Variants in PHF21B observed in about 807,000 individuals in gnomAD.
PHF21B encodes PHD finger protein 21B, also known as PHD finger protein 4.
In PHF21B, 22 loss-of-function variants were observed where a neutral mutation model predicts 62.2. The ratio of observed to expected loss-of-function variants is 0.35; its 90% CI spans 0.25 to 0.51. PHF21B has a LOEUF of 0.51. PHF21B is among the 20% of genes least tolerant of loss of function. PHF21B has a pLI of 0.97. For synonymous variants in PHF21B, 341 were observed against 314.7 expected (o/e 1.08, Z -0.88); for missense variants, 701 against 707.9 (o/e 0.99, Z 0.11).
At chr22:44,955,644 C>CA (rs2072281187) in intron 2 of PHF21B, among the ~76,000 whole-genome samples, 1 of 152,200 alleles carries the variant, frequency 6.6e-6, no homozygotes, top group Non-Finnish European at 1.5e-5. Context: ...TCCTGGTCCC[C>CA]AGGCCTTCAG....
intron 2 of PHF21B, among the ~76,000 whole-genome samples, chr22:44,926,977 G>A (rs1440581402): frequency 1.3e-5 from 2 of 152,046 alleles, no homozygotes; most frequent in South Asian, 4.2e-4. Context: ...CTGTGTCTGT[G>A]TTTCTGGGCC....
At chr22:44,946,473 A>G (rs1231347567) in intron 2 of PHF21B, among the ~76,000 whole-genome samples, 1 of 151,954 alleles carries the variant, frequency 6.6e-6, no homozygotes, top group Non-Finnish European at 1.5e-5. Flanking sequence ...GTGGGATGGG[A>G]AAGAGGAAAC....
At chr22:44,910,887 C>T (rs1171565499) in intron 5 of PHF21B, among the ~76,000 whole-genome samples, 1 of 152,134 alleles carries the variant, frequency 6.6e-6, no homozygotes, top group Non-Finnish European at 1.5e-5. Context: ...CAGAAGAAGA[C>T]AGAAAAATAT....
chr22:44,966,355 G>A (rs2072525431), intron 2 of PHF21B, among the ~76,000 whole-genome samples: 2 of 152,226 alleles, frequency 1.3e-5, no homozygotes, highest in African/African-American at 2.4e-5. Flanking sequence ...CTTGCCCAAG[G>A]TCACACAATC....
At chr22:44,966,313 G>T (rs1031279958) in intron 2 of PHF21B, among the ~76,000 whole-genome samples, 1 of 152,216 alleles carries the variant, frequency 6.6e-6, no homozygotes, top group African/African-American at 2.4e-5. Flanking sequence ...GCCCCTTTTT[G>T]AGAGAAGTCT....
intron 5 of PHF21B, chr22:44,901,882 G>C (rs955835210): frequency 3.9e-6 from 1 of 253,702 alleles, no homozygotes; most frequent in Non-Finnish European, 7.9e-6. Flanking sequence ...AAGAATGGTG[G>C]TACCCGGCTG....
At chr22:44,962,818 C>T (rs2072450969) in intron 2 of PHF21B, among the ~76,000 whole-genome samples, 1 of 152,130 alleles carries the variant, frequency 6.6e-6, no homozygotes, top group African/African-American at 2.4e-5. Context: ...TGGGGGCGTG[C>T]TTTACTTGCG....
chr22:44,977,287 C>G lies in PHF21B; in HGVS notation c.120+31258G>C, dbSNP rs574679044. Among the ~76,000 whole-genome samples, 100 of 151,952 alleles carry G rather than the reference C, an allele frequency of 6.6e-4. 1 individual carries two copies. The highest frequency in any genetic ancestry group is 3.2e-3 in the Admixed American group (49 of 15,248). ...ATATCAAAAAGTGTATCAGGCCAGGCACGGTGGTGGCTCACACCTGTAATC... is the reference window on the plus strand; with the variant it reads ...ATATCAAAAAGTGTATCAGGCCAGGGACGGTGGTGGCTCACACCTGTAATC... On this transcript the variant is annotated intron_variant, in intron 2 of 12. Coordinates refer to ENST00000313237, the MANE Select transcript of PHF21B (RefSeq NM_138415.5).
intron 2 of PHF21B, among the ~76,000 whole-genome samples, chr22:44,985,793 C>T (rs1011612359): frequency 4.6e-5 from 7 of 152,066 alleles, no homozygotes; most frequent in African/African-American, 1.4e-4. Flanking sequence ...ATGTTATCAC[C>T]GTAGCTATCA....
chr22:44,953,713 A>G lies in PHF21B; in HGVS notation c.121-33223T>C, dbSNP rs1241903072. 2.6e-5 allele frequency among the ~76,000 whole-genome samples: 4 copies of G among 152,162 alleles called. No homozygotes were observed. In the East Asian group the frequency reaches 7.7e-4, roughly 29 times the overall value. On this transcript the variant is annotated intron_variant, in intron 2 of 12. Coordinates refer to ENST00000313237, the MANE Select transcript of PHF21B (RefSeq NM_138415.5). ...AGCAGAATTTTGAAGAATGCATTGG[A>G]CTTTGTCAGACCCAAATGCACCCAT... is the stretch of plus-strand genomic sequence containing the variant.
chr22:44,911,547 T>C (rs1433169629), intron 5 of PHF21B, among the ~76,000 whole-genome samples: 1 of 152,240 alleles, frequency 6.6e-6, no homozygotes, highest in Non-Finnish European at 1.5e-5. Context: ...CTCAGCCTGT[T>C]GCTTCAGAGG....
intron 5 of PHF21B, among the ~76,000 whole-genome samples, chr22:44,909,044 C>G (rs1246180118): frequency 6.6e-6 from 1 of 152,154 alleles, no homozygotes; most frequent in African/African-American, 2.4e-5. Context: ...ATGACCCGCC[C>G]ACCTTGGCCT....
chr22:44,889,751 G>C lies in PHF21B; in HGVS notation c.1038+9C>G, dbSNP rs367674867. ...CGGAAGTGTGAAGACGGAGGGAGGG[G>C]ACACGTACCTTCCAGCAGGGGTCCT... On this transcript the variant is annotated intron_variant, in intron 9 of 12. Transcript: ENST00000313237. The C allele has an allele frequency of 6.3e-7, 1 of 1,578,698 alleles. No individual in the cohort carries two copies. The highest frequency in any genetic ancestry group is 1.9e-5 in the Admixed American group (1 of 52,916).
intron 12 of PHF21B, among the ~76,000 whole-genome samples, chr22:44,883,510 G>T (rs2070774647): frequency 6.6e-6 from 1 of 152,182 alleles, no homozygotes; most frequent in Admixed American, 6.5e-5. Context: ...GGAACTTAGG[G>T]CTAGAAAAAG....
intron 2 of PHF21B, among the ~76,000 whole-genome samples, chr22:44,934,188 C>T (rs2071799564): frequency 6.6e-6 from 1 of 152,160 alleles, no homozygotes; most frequent in Non-Finnish European, 1.5e-5. Flanking sequence ...GGCTCAGAGT[C>T]CCATCGGCCA....
Position 44,882,879 on chromosome 22 carries a change from C to G in PHF21B, c.*207G>C, listed in dbSNP as rs1032381795. 1 of 581,954 alleles carries G rather than the reference C, an allele frequency of 1.7e-6. No homozygotes were observed. Among genetic ancestry groups the G allele is most frequent in the Middle Eastern group, 4.7e-4 (1 of 2,146 alleles). 36.0% of individuals were successfully genotyped at this position (581,954 alleles called of 1,614,324 possible). A position where few individuals can be genotyped will look rare whatever the true frequency, so the allele number is the denominator to read the frequency against. ...GTACCCCACCTGGCTCCTAGGTACC[C>G]CCTGTGAATTTGGAGGGCACAGGGC... On this transcript the variant is annotated 3_prime_UTR_variant, in exon 13 of 13. Coordinates refer to ENST00000313237, the MANE Select transcript of PHF21B (RefSeq NM_138415.5).
chr22:44,956,978 C>T (rs952303222), intron 2 of PHF21B, among the ~76,000 whole-genome samples: 2 of 152,212 alleles, frequency 1.3e-5, no homozygotes, highest in African/African-American at 4.8e-5. Flanking sequence ...GCAGCCGTCA[C>T]GCCTCAGTCC....
At chr22:44,920,633 A>C in intron 2 of PHF21B, 143 bp from the exon 3 acceptor site, 1 of 534,742 alleles carries the variant, frequency 1.9e-6, no homozygotes, top group Non-Finnish European at 3.4e-6. Context: ...TTTTTAAAAA[A>C]TCACAATAGT....
chr22:44,926,070 C>T (rs921742084), intron 2 of PHF21B, among the ~76,000 whole-genome samples: 1 of 151,522 alleles, frequency 6.6e-6, no homozygotes, highest in African/African-American at 2.4e-5. Flanking sequence ...AGTGGATTTC[C>T]GGGGAAGTGG....
Sources: allele counts gnomAD v4.1 joint callset (sites outside exome capture counted in the v4.1 genomes callset), GRCh38; gene constraint gnomAD v4.1.1; transcripts MANE v1.5; gene names NCBI Gene and HGNC (gene_info 2026-07-23, HGNC 2026-07-21).